SEMA3A: variants seen among roughly 807,000 people sequenced by gnomAD.
SEMA3A encodes semaphorin-3A.
Under a neutral mutation model 97.9 loss-of-function variants are expected in SEMA3A, and 29 were observed. The observed-to-expected ratio is 0.30, with a 90% CI of 0.22 to 0.40. SEMA3A has a LOEUF of 0.40. SEMA3A is among the 10% of genes least tolerant of loss of function. The probability of loss-of-function intolerance (pLI) is 1.00; values close to 1 mark genes in which losing one functional copy is unlikely to be tolerated. For synonymous variants in SEMA3A, 321 were observed against 323.7 expected, an observed-to-expected ratio of 0.99 and a Z score of 0.09; for missense variants, 763 against 951.3, an observed-to-expected ratio of 0.80 and a Z score of 2.60.
At chr7:84,430,979 A>G (rs1371058588) in intron 1 of SEMA3A, among the ~76,000 whole-genome samples, 2 of 151,976 alleles carry the variant, frequency 1.3e-5, no homozygotes, top group African/African-American at 4.8e-5. Flanking sequence ...CAGATTTTCC[A>G]TGTACACTCA....
intron 11 of SEMA3A, among the ~76,000 whole-genome samples, chr7:84,002,676 G>A (rs1584532976): frequency 6.6e-6 from 1 of 152,108 alleles, no homozygotes; most frequent in East Asian, 1.9e-4. Context: ...ATTTCTCAAA[G>A]TAAACACCTA....
At chr7:84,468,987 T>G (rs192949879) in intron 1 of SEMA3A, among the ~76,000 whole-genome samples, 16 of 152,166 alleles carry the variant, frequency 1.1e-4, no homozygotes, top group Admixed American at 4.6e-4. Flanking sequence ...TCAGGAAAAG[T>G]AAATAAAATG....
chr7:84,450,834 T>C (rs1358276020), intron 1 of SEMA3A, among the ~76,000 whole-genome samples: 2 of 152,218 alleles, frequency 1.3e-5, no homozygotes, highest in Non-Finnish European at 2.9e-5. Context: ...TGAATTCCTC[T>C]GTCAGTTTCT....
At chr7:84,468,928 T>C (rs1806072875) in intron 1 of SEMA3A, among the ~76,000 whole-genome samples, 2 of 151,538 alleles carry the variant, frequency 1.3e-5, no homozygotes, top group Admixed American at 1.3e-4. Flanking sequence ...GGTTATATAG[T>C]TAACTATATA....
intron 1 of SEMA3A, among the ~76,000 whole-genome samples, chr7:84,373,709 T>C (rs1014704594): frequency 2.0e-5 from 3 of 152,160 alleles, no homozygotes; most frequent in Admixed American, 2.0e-4. Context: ...ATATTTATCC[T>C]TGGAAAATAA....
intron 4 of SEMA3A, among the ~76,000 whole-genome samples, chr7:84,091,167 G>GGAAAGAAAGAAAGAAAGAAAGAAA (rs1165324789): frequency 2.3e-5 from 1 of 42,840 alleles, no homozygotes; most frequent in Admixed American, 3.6e-4. Flanking sequence ...AAGGAAGGAA[G>GGAAAGAAAGAAAGAAAGAAAGAAA]GAAAGAAAGA....
chr7:84,448,114 G>A (rs1042061098), intron 1 of SEMA3A, among the ~76,000 whole-genome samples: 3 of 152,194 alleles, frequency 2.0e-5, no homozygotes, highest in Non-Finnish European at 4.4e-5. Context: ...CCCTTGGCAG[G>A]TGTGGGTTCT....
At chr7:83,980,768 C>T (rs1182831567) in intron 14 of SEMA3A, among the ~76,000 whole-genome samples, 2 of 151,148 alleles carry the variant, frequency 1.3e-5, no homozygotes, top group African/African-American at 2.4e-5. Context: ...ACTGCAAATG[C>T]AAGGTGATGC....
chr7:83,999,070 T>C (rs1382724562), intron 12 of SEMA3A, among the ~76,000 whole-genome samples: 1 of 152,148 alleles, frequency 6.6e-6, no homozygotes, highest in Non-Finnish European at 1.5e-5. Context: ...GAGTACAATG[T>C]AAAATAACAA....
At chr7:84,030,361 G>A (rs941667903) in intron 6 of SEMA3A, among the ~76,000 whole-genome samples, 7 of 151,962 alleles carry the variant, frequency 4.6e-5, no homozygotes, top group Admixed American at 6.6e-5. Context: ...CCTTTGCCAG[G>A]AAGTTCATCA....
At chr7:84,312,284 C>T (rs931123887) in intron 2 of SEMA3A, among the ~76,000 whole-genome samples, 15 of 151,666 alleles carry the variant, frequency 9.9e-5, no homozygotes, top group Non-Finnish European at 2.1e-4. Context: ...AAAATTGCTG[C>T]CTTAAATAAA....
intron 14 of SEMA3A, among the ~76,000 whole-genome samples, chr7:83,980,601 C>A (rs1789352313): frequency 1.5e-4 from 4 of 26,664 alleles, no homozygotes; most frequent in Admixed American, 4.0e-4. Context: ...GAGACTCCAT[C>A]TCAAAAAAAA....
At chr7:84,221,908 C>T (rs1394880413) in intron 3 of SEMA3A, among the ~76,000 whole-genome samples, 6 of 151,958 alleles carry the variant, frequency 3.9e-5, no homozygotes, top group South Asian at 2.1e-4. Context: ...TATAGACTTT[C>T]TCTATGCAGT....
At chr7:84,439,099 T>C (rs1192715783) in intron 1 of SEMA3A, among the ~76,000 whole-genome samples, 1 of 151,782 alleles carries the variant, frequency 6.6e-6, no homozygotes, top group East Asian at 1.9e-4. Context: ...CTAAATCTAG[T>C]ATGGAATTAG....
intron 1 of SEMA3A, among the ~76,000 whole-genome samples, chr7:84,407,782 G>T (rs181504638): frequency 4.7e-4 from 72 of 152,158 alleles, no homozygotes; most frequent in African/African-American, 1.7e-3. Context: ...TGACAAAAAC[G>T]AGCAATGGGG....
At chr7:84,304,669 A>C (rs1346662913) in intron 3 of SEMA3A, among the ~76,000 whole-genome samples, 1 of 152,100 alleles carries the variant, frequency 6.6e-6, no homozygotes, top group Non-Finnish European at 1.5e-5. Flanking sequence ...TCAAAGTCAA[A>C]TATAGTGACA....
At chr7:84,417,905 C>T (rs1468615720) in intron 1 of SEMA3A, among the ~76,000 whole-genome samples, 2 of 151,966 alleles carry the variant, frequency 1.3e-5, no homozygotes, top group African/African-American at 2.4e-5. Context: ...TTACTAAGTA[C>T]CAAACGCTAG....
At chr7:84,366,739 A>T (rs1802857281) in intron 2 of SEMA3A, among the ~76,000 whole-genome samples, 1 of 151,370 alleles carries the variant, frequency 6.6e-6, no homozygotes, top group African/African-American at 2.4e-5. Flanking sequence ...ACAACTGAGA[A>T]AAGGCCTTTC....
intron 1 of SEMA3A, among the ~76,000 whole-genome samples, chr7:84,403,951 A>G (rs1029635255): frequency 6.6e-6 from 1 of 152,110 alleles, no homozygotes; most frequent in African/African-American, 2.4e-5. Context: ...GGAAAAAACA[A>G]AGCAGAAAAA....
Sources: allele counts gnomAD v4.1 joint callset (sites outside exome capture counted in the v4.1 genomes callset), GRCh38; gene constraint gnomAD v4.1.1; transcripts MANE v1.5; gene names NCBI Gene and HGNC (gene_info 2026-07-23, HGNC 2026-07-21).